Variants in PLG observed in about 807,000 individuals in gnomAD.
PLG encodes plasminogen.
In PLG, 41 loss-of-function variants were observed where a neutral mutation model predicts 104.4. The observed-to-expected ratio is 0.39, with a 90% CI of 0.31 to 0.51. The LOEUF (loss-of-function observed/expected upper bound fraction) is 0.51. Ranked by LOEUF, PLG falls within the 20% of genes least tolerant of loss-of-function variation. The probability of loss-of-function intolerance (pLI) is 0.76; values close to 1 mark genes in which losing one functional copy is unlikely to be tolerated. For synonymous variants in PLG, 337 were observed against 357.1 expected, an observed-to-expected ratio of 0.94 and a Z score of 0.63; for missense variants, 891 against 1,003.6, an observed-to-expected ratio of 0.89 and a Z score of 1.52.
chr6:160,751,836 A>C (rs1039226866), intron 17 of PLG, among the ~76,000 whole-genome samples: 1 of 152,264 alleles, frequency 6.6e-6, no homozygotes, highest in Non-Finnish European at 1.5e-5. Flanking sequence ...CTACATTTTA[A>C]ACATTATTCT....
At chr6:160,708,440 A>G (rs2115152963) in intron 3 of PLG, 1 of 152,688 alleles carries the variant, frequency 6.5e-6, no homozygotes, top group Admixed American at 6.5e-5. Context: ...TTCAATAGAA[A>G]TTGCATGCCT....
chr6:160,705,374 C>A (rs1038070905), intron 1 of PLG: 3 of 152,198 alleles, frequency 2.0e-5, no homozygotes, highest in Non-Finnish European at 2.9e-5. Flanking sequence ...AGCTTTCGGA[C>A]AGATTCGTTG....
At chr6:160,704,772 G>T (rs1315311307) in intron 1 of PLG, among the ~76,000 whole-genome samples, 1 of 152,160 alleles carries the variant, frequency 6.6e-6, no homozygotes. Flanking sequence ...GGGAGCAGGG[G>T]GACTTTGGCC....
At position 160,731,088 on chromosome 6, in the gene PLG, G is replaced by A. The variant is rs770460362; in HGVS notation, c.1294G>A (p.Asp432Asn). Residue 432 changes from aspartate (D) to asparagine (N), a missense_variant, in exon 11 of 19, where the codon GAT becomes AAT. Asp to Asn is a conservative substitution (Grantham distance 23). Around this residue, in one of 2 missense-constraint regions of PLG, gnomAD observed 854 missense variants for 932.1 expected, o/e 0.92. Transcript: ENST00000308192. The surrounding 1 kb of genome is among the most constrained non-coding windows in gnomAD (Gnocchi z 5.1). The stretch of plus-strand genomic sequence containing the variant: ...GAACTACTGCAGGAATCCAGATGCC[G>A]ATAAAGGCCCCTGGTGTTTTACCAC... ...TMNYCRNPDA[D>N]KGPWCFTTDP... 2.5e-5 allele frequency: 40 copies of A among 1,614,022 alleles called. No individual in the cohort carries two copies. Among genetic ancestry groups the A allele is most frequent in the Admixed American group, 5.0e-5 (3 of 60,022 alleles).
chr6:160,740,971 C>T lies in PLG; in HGVS notation c.2019-340C>T, dbSNP rs1014832191. 2.0e-5 allele frequency among the ~76,000 whole-genome samples: 3 copies of T among 152,180 alleles called. No homozygotes were observed. Among genetic ancestry groups the T allele is most frequent in the Non-Finnish European group, 1.5e-5 (1 of 68,002 alleles). ...TCCATGCACTGATCAATGCCCTATT[C>T]GATTAATGTAAAAGGACACACTCAG... is the stretch of plus-strand genomic sequence containing the variant. On this transcript the variant is annotated intron_variant, in intron 16 of 18. Transcript: ENST00000308192. The surrounding 1 kb of genome is among the most constrained non-coding windows in gnomAD (Gnocchi z 5.2).
At chr6:160,710,950 T>C in intron 3 of PLG, 127 bp from the exon 4 acceptor site, 1 of 819,506 alleles carries the variant, frequency 1.2e-6, no homozygotes, top group East Asian at 2.6e-5. Context: ...ATGCAAAAGA[T>C]GATCTTTTAG....
chr6:160,743,591 C>T (rs1201595823), intron 17 of PLG, among the ~76,000 whole-genome samples: 3 of 152,208 alleles, frequency 2.0e-5, no homozygotes, highest in Admixed American at 6.5e-5. Context: ...GACATAGAGT[C>T]ATGTCATCTG....
At chr6:160,729,572 C>A (rs936180280) in intron 10 of PLG, among the ~76,000 whole-genome samples, 2 of 152,154 alleles carry the variant, frequency 1.3e-5, no homozygotes, top group African/African-American at 4.8e-5. Flanking sequence ...GTGACTGATC[C>A]TCTCAAATAG....
At position 160,753,374 on chromosome 6, in the gene PLG, G is replaced by A. The variant is rs1188927191; in HGVS notation, c.*313G>A. 2.4e-6 allele frequency: 1 copy of A among 410,790 alleles called. No individual in the cohort carries two copies. Among genetic ancestry groups the A allele is most frequent in the Non-Finnish European group, 4.6e-6 (1 of 218,372 alleles). The allele number at this position is 410,790 out of a possible 1,614,324, so 25.4% of individuals were successfully genotyped here. A position where few individuals can be genotyped will look rare whatever the true frequency, so the allele number is the denominator to read the frequency against. ...TTAAATGGGCAGATGGGGGGATTTA[G>A]CTGCTTTTGATAAGGAACAGCTGCA... On this transcript the variant is annotated 3_prime_UTR_variant, in exon 19 of 19. Coordinates refer to ENST00000308192, the MANE Select transcript of PLG (RefSeq NM_000301.5). The surrounding 1 kb of genome is among the most constrained non-coding windows in gnomAD (Gnocchi z 5.4).
Position 160,736,297 on chromosome 6 carries a change from G to A in PLG, c.1682-590G>A, listed in dbSNP as rs1399781357. ...CCCCCACGGCCGTTGGTTAGTCATGGGAGGCTCCCCAGAGGAGCTGTCCTG... is the reference window on the plus strand; with the variant it reads ...CCCCCACGGCCGTTGGTTAGTCATGAGAGGCTCCCCAGAGGAGCTGTCCTG... On this transcript the variant is annotated intron_variant, in intron 13 of 18. Coordinates refer to ENST00000308192, the MANE Select transcript of PLG (RefSeq NM_000301.5). The surrounding 1 kb of genome is among the most constrained non-coding windows in gnomAD (Gnocchi z 5.2). Among the ~76,000 whole-genome samples, 3 of 152,260 alleles carry A rather than the reference G, an allele frequency of 2.0e-5. No individual in the cohort carries two copies. The highest frequency in any genetic ancestry group is 2.1e-4 in the South Asian group (1 of 4,818).
rs1172402922 is a variant in PLG at position 160,735,733 on chromosome 6, T to C, written c.1682-1154T>C. Among the ~76,000 whole-genome samples the C allele has an allele frequency of 6.6e-6, 1 of 152,188 alleles. No individual in the cohort carries two copies. Among genetic ancestry groups the C allele is most frequent in the Non-Finnish European group, 1.5e-5 (1 of 68,030 alleles). ...ACAAATAATAATAAGCAAAAATAAA[T>C]AGAAACATTCAGTTTTGTTTTGAAT... On this transcript the variant is annotated intron_variant, in intron 13 of 18. Transcript: ENST00000308192. The surrounding 1 kb of genome is among the most constrained non-coding windows in gnomAD (Gnocchi z 5.4).
At chr6:160,748,289 A>C (rs572570486) in intron 17 of PLG, among the ~76,000 whole-genome samples, 1 of 150,238 alleles carries the variant, frequency 6.7e-6, no homozygotes, top group African/African-American at 2.5e-5. Context: ...TGGGTGACAG[A>C]GTGAGACTCT....
intron 5 of PLG, among the ~76,000 whole-genome samples, chr6:160,713,939 G>A (rs1329569752): frequency 6.6e-6 from 1 of 152,186 alleles, no homozygotes; most frequent in East Asian, 1.9e-4. Context: ...TAGTGCAAAA[G>A]GGAATAAATA....
intron 3 of PLG, among the ~76,000 whole-genome samples, chr6:160,709,814 T>G (rs1419140231): frequency 6.6e-6 from 1 of 152,258 alleles, no homozygotes; most frequent in Non-Finnish European, 1.5e-5. Flanking sequence ...ATTAGTTTGC[T>G]GTAGGTATGT....
At position 160,732,986 on chromosome 6, in the gene PLG, G is replaced by T. The variant is rs375266835; in HGVS notation, c.1588-1009G>T. ...CCCTCCCTGGAAGTTGGACGTGGGG[G>T]GCTGAACAGTTCCAACCCTGCAATC... On this transcript the variant is annotated intron_variant, in intron 12 of 18. Coordinates refer to ENST00000308192, the MANE Select transcript of PLG (RefSeq NM_000301.5). This position sits in a 1 kb window ranked among gnomAD's most constrained non-coding sequence, Gnocchi z 4.5. 6.6e-6 allele frequency among the ~76,000 whole-genome samples: 1 copy of T among 152,124 alleles called. No individual in the cohort carries two copies.
chr6:160,752,729 C>T lies in PLG; in HGVS notation c.2272-171C>T, dbSNP rs1467657280. ...AACTAAGTGGTGTGGTTTCGCTAAA[C>T]AGATTTTGCTAAGTACTTAAGCACT... On this transcript the variant is annotated intron_variant, in intron 18 of 18. Coordinates refer to ENST00000308192, the MANE Select transcript of PLG (RefSeq NM_000301.5). This position sits in a 1 kb window ranked among gnomAD's most constrained non-coding sequence, Gnocchi z 4.7. 1.3e-5 allele frequency among the ~76,000 whole-genome samples: 2 copies of T among 152,204 alleles called. No homozygotes were observed. Among genetic ancestry groups the T allele is most frequent in the African/African-American group, 4.8e-5 (2 of 41,446 alleles).
chr6:160,730,471 A>T (rs1014151814), intron 10 of PLG, among the ~76,000 whole-genome samples: 16 of 152,392 alleles, frequency 1.0e-4, no homozygotes, highest in African/African-American at 3.8e-4. Flanking sequence ...CGGTATTGAC[A>T]GTAACACTAT....
At position 160,739,075 on chromosome 6, in the gene PLG, A is replaced by C. The variant is rs1778140469; in HGVS notation, c.1885A>C (p.Arg629=). ...TAAHCLEKSP[R]PSSYKVILGA... ...CGTCCTCATCTTTTCTAGGTCCCCA[A>C]GGCCTTCATCCTACAAGGTCATCCT... Residue 629 remains arginine, a synonymous_variant, in exon 16 of 19, where the codon AGG becomes CGG. Coordinates refer to ENST00000308192, the MANE Select transcript of PLG (RefSeq NM_000301.5). The surrounding 1 kb of genome is among the most constrained non-coding windows in gnomAD (Gnocchi z 4.4). The C allele has an allele frequency of 6.2e-7, 1 of 1,613,908 alleles. No homozygotes were observed. The highest frequency in any genetic ancestry group is 1.3e-5 in the African/African-American group (1 of 74,898).
At chr6:160,718,160 G>A (rs1259080897) in intron 7 of PLG, 134 bp from the exon 8 acceptor site, 5 of 751,376 alleles carry the variant, frequency 6.7e-6, no homozygotes, top group African/African-American at 5.2e-5. Flanking sequence ...GCTGAGGCAG[G>A]AGAATGACTT....
Sources: allele counts gnomAD v4.1 joint callset (sites outside exome capture counted in the v4.1 genomes callset), GRCh38; gene constraint gnomAD v4.1.1; regional missense constraint gnomAD v4.1.1; non-coding constraint Gnocchi (gnomAD v3.1); transcripts MANE v1.5; gene names NCBI Gene and HGNC (gene_info 2026-07-23, HGNC 2026-07-21).